KHDRBS2: variants seen among roughly 807,000 people sequenced by gnomAD.
The protein encoded by KHDRBS2 is KH domain-containing, RNA-binding, signal transduction-associated protein 2.
A neutral mutation model predicts 44.3 loss-of-function variants in KHDRBS2; 26 were observed. The ratio of observed to expected loss-of-function variants is 0.59; its 90% CI spans 0.43 to 0.81. The LOEUF (loss-of-function observed/expected upper bound fraction) is 0.81. Among genes scored for constraint, KHDRBS2 ranks in the 40% least tolerant of loss-of-function variants. The probability of loss-of-function intolerance (pLI) is 0.00; values close to 1 mark genes in which losing one functional copy is unlikely to be tolerated. For synonymous variants in KHDRBS2, 194 were observed against 151.1 expected (o/e 1.28, Z -2.08); for missense variants, 476 against 433.1 (o/e 1.10, Z -0.88).
intron 6 of KHDRBS2, chr6:61,816,710 A>C (rs373065307): frequency 1.6e-4 from 63 of 405,928 alleles, no homozygotes; most frequent in African/African-American, 9.6e-4. Context: ...TTTATTCTTA[A>C]AGAATAAATC....
Position 61,897,645 on chromosome 6 carries a change from T to A in KHDRBS2, c.612-2812A>T, listed in dbSNP as rs1277457450. 2.0e-5 allele frequency among the ~76,000 whole-genome samples: 3 copies of A among 152,262 alleles called. No homozygotes were observed. In the East Asian group the frequency reaches 5.8e-4, roughly 29 times the overall value. On this transcript the variant is annotated intron_variant, in intron 5 of 8. Transcript: ENST00000281156. ...CTATTCCAAATGCTGCTCATTTTTA[T>A]CTGCCTTGGATGATGGAATTGTTTT...
At chr6:62,200,598 A>G (rs942635083) in intron 1 of KHDRBS2, among the ~76,000 whole-genome samples, 4 of 152,200 alleles carry the variant, frequency 2.6e-5, no homozygotes, top group African/African-American at 9.6e-5. Flanking sequence ...GGTGCTGGAG[A>G]GGATGTGGAG....
chr6:62,195,915 T>C (rs11751001), intron 1 of KHDRBS2, among the ~76,000 whole-genome samples: 44,552 of 152,032 alleles, frequency 0.29, 7,953 homozygotes, highest in Middle Eastern at 0.45. Context: ...TTTTAAAATG[T>C]AAATTAATTA....
intron 2 of KHDRBS2, among the ~76,000 whole-genome samples, chr6:62,073,570 T>C (rs1795718948): frequency 6.6e-6 from 1 of 150,378 alleles, no homozygotes. Context: ...TTCCCTTCTA[T>C]TCTAATGTTA....
intron 6 of KHDRBS2, among the ~76,000 whole-genome samples, chr6:61,858,525 G>C (rs1470946224): frequency 6.6e-6 from 1 of 151,834 alleles, no homozygotes; most frequent in South Asian, 2.1e-4. Context: ...TTTGTGAAAA[G>C]ACATGTACTT....
intron 8 of KHDRBS2, among the ~76,000 whole-genome samples, chr6:61,689,421 A>G (rs1767151284): frequency 1.3e-5 from 2 of 151,944 alleles, no homozygotes; most frequent in African/African-American, 4.8e-5. Flanking sequence ...GAGTCCCCCA[A>G]ACTTGTGAGT....
At chr6:62,113,958 G>A (rs535274160) in intron 2 of KHDRBS2, among the ~76,000 whole-genome samples, 1 of 152,214 alleles carries the variant, frequency 6.6e-6, no homozygotes, top group Admixed American at 6.5e-5. Flanking sequence ...ATGGCTGGAA[G>A]ACCTCAGGTA....
chr6:62,263,932 C>T (rs1838772881), intron 1 of KHDRBS2, among the ~76,000 whole-genome samples: 1 of 151,700 alleles, frequency 6.6e-6, no homozygotes, highest in Admixed American at 6.6e-5. Flanking sequence ...AGCCATGGGA[C>T]ATCATTGTCC....
chr6:62,070,770 T>A (rs554730596), intron 2 of KHDRBS2, among the ~76,000 whole-genome samples: 31 of 152,328 alleles, frequency 2.0e-4, no homozygotes, highest in African/African-American at 7.5e-4. Context: ...TCCAAGTCTT[T>A]GCTATTGTGA....
chr6:61,663,985 C>T, the KHDRBS2 span, among the ~76,000 whole-genome samples: 1 of 151,826 alleles, frequency 6.6e-6, no homozygotes, highest in Admixed American at 6.6e-5. Context: ...TGTGGCTTGA[C>T]TCTTGCTGCC....
At chr6:61,930,347 A>G (rs1809774202) in intron 4 of KHDRBS2, among the ~76,000 whole-genome samples, 1 of 152,038 alleles carries the variant, frequency 6.6e-6, no homozygotes, top group Admixed American at 6.6e-5. Flanking sequence ...ACATCTTATG[A>G]CTTACGATTT....
intron 6 of KHDRBS2, among the ~76,000 whole-genome samples, chr6:61,804,756 A>G (rs1786864581): frequency 6.6e-6 from 1 of 152,140 alleles, no homozygotes; most frequent in African/African-American, 2.4e-5. Flanking sequence ...GGCCCCTTTT[A>G]GCCATGGCTG....
chr6:61,606,771 A>G, the KHDRBS2 span, among the ~76,000 whole-genome samples: 2 of 152,188 alleles, frequency 1.3e-5, no homozygotes, highest in African/African-American at 2.4e-5. Flanking sequence ...GGCTTCAGAG[A>G]AGGCCTGGCA....
chr6:61,750,456 T>C (rs535688748), intron 6 of KHDRBS2, among the ~76,000 whole-genome samples: 2 of 152,180 alleles, frequency 1.3e-5, no homozygotes, highest in Non-Finnish European at 2.9e-5. Flanking sequence ...ATGCAGCTTG[T>C]AGTGGGTTTT....
intron 6 of KHDRBS2, among the ~76,000 whole-genome samples, chr6:61,836,608 T>C (rs188283596): frequency 1.3e-5 from 2 of 152,184 alleles, no homozygotes; most frequent in Admixed American, 6.6e-5. Flanking sequence ...GAATCTAATT[T>C]GTATTCAGAC....
At chr6:61,713,268 C>A (rs1408330741) in intron 7 of KHDRBS2, among the ~76,000 whole-genome samples, 1 of 151,600 alleles carries the variant, frequency 6.6e-6, no homozygotes, top group African/African-American at 2.4e-5. Context: ...AGCAAAATAG[C>A]AAACCCTTAA....
intron 6 of KHDRBS2, among the ~76,000 whole-genome samples, chr6:61,768,007 C>CTT (rs879670169): frequency 1.3e-4 from 20 of 152,186 alleles, no homozygotes; most frequent in African/African-American, 4.3e-4. Context: ...TGGTAAAGTC[C>CTT]TTTTCTTTCA....
intron 2 of KHDRBS2, among the ~76,000 whole-genome samples, chr6:62,066,299 T>G (rs1432559938): frequency 6.6e-6 from 1 of 151,764 alleles, no homozygotes; most frequent in African/African-American, 2.4e-5. Flanking sequence ...CCTGACTGAA[T>G]GTACACTCAG....
intron 2 of KHDRBS2, among the ~76,000 whole-genome samples, chr6:62,061,211 T>A (rs1387453691): frequency 1.3e-5 from 2 of 151,778 alleles, no homozygotes; most frequent in Admixed American, 1.3e-4. Context: ...TTTGATCCTG[T>A]CATTATGATG....
Sources: gnomAD v4.1 joint callset for allele counts (sites outside exome capture counted in the v4.1 genomes callset) on GRCh38, gnomAD v4.1.1 for gene constraint, MANE v1.5 for transcripts, NCBI Gene and HGNC (gene_info 2026-07-23, HGNC 2026-07-21) for gene names.